The following SNX30 variants were observed in gnomAD, a reference collection of about 807,000 sequenced individuals.
SNX30 encodes the protein sorting nexin family member 30, also known as sorting nexin-30.
SNX30 carries 24 observed loss-of-function variants against 46.4 expected under a neutral mutation model. The ratio of observed to expected loss-of-function variants is 0.52; its 90% CI spans 0.37 to 0.73. The LOEUF is 0.73. Ranked by LOEUF, SNX30 falls within the 30% of genes least tolerant of loss-of-function variation. The pLI is 0.00. For missense variants in SNX30, 533 were observed against 555.7 expected, an observed-to-expected ratio of 0.96 and a Z score of 0.41; for synonymous variants, 189 against 211.5, an observed-to-expected ratio of 0.89 and a Z score of 0.92.
intron 7 of SNX30, among the ~76,000 whole-genome samples, chr9:112,852,146 G>C (rs1180419428): frequency 6.6e-6 from 1 of 152,104 alleles, no homozygotes; most frequent in Non-Finnish European, 1.5e-5. Flanking sequence ...GGGAGGTTGA[G>C]GTGGGAGGAT....
rs184304487 is a variant in SNX30 at position 112,842,344 on chromosome 9, T to G, written c.1014+3647T>G. On this transcript the variant is annotated intron_variant, in intron 6 of 8. Coordinates refer to ENST00000374232, the MANE Select transcript of SNX30 (RefSeq NM_001012994.2). ...CTGGTGTGGTGAGGTTCTGTCAGTC[T>G]ATCTTCATCATGGCCTTGAGGGAAC... is the stretch of plus-strand genomic sequence containing the variant. 4.6e-5 allele frequency among the ~76,000 whole-genome samples: 7 copies of G among 152,340 alleles called. No homozygotes were observed. In the East Asian group the frequency reaches 1.4e-3, roughly 29 times the overall value.
At chr9:112,860,878 A>C (rs977640384) in intron 7 of SNX30, among the ~76,000 whole-genome samples, 1 of 152,236 alleles carries the variant, frequency 6.6e-6, no homozygotes, top group African/African-American at 2.4e-5. Context: ...ATATGAGCTA[A>C]CAAATGTTTA....
At chr9:112,762,700 G>A (rs998684762) in intron 1 of SNX30, among the ~76,000 whole-genome samples, 3 of 152,232 alleles carry the variant, frequency 2.0e-5, no homozygotes, top group African/African-American at 7.2e-5. Context: ...CAGACCCTGA[G>A]AAAGCATTTA....
intron 1 of SNX30, among the ~76,000 whole-genome samples, chr9:112,762,540 G>A: frequency 6.6e-6 from 1 of 152,022 alleles, no homozygotes; most frequent in East Asian, 1.9e-4. Context: ...CTGTGGCCTT[G>A]GGCAAGTTTC....
Position 112,871,519 on chromosome 9 carries a change from A to G in SNX30, c.*2676A>G, listed in dbSNP as rs1841444889. 6.6e-6 allele frequency: 1 copy of G among 152,068 alleles called. No individual in the cohort carries two copies. The highest frequency in any genetic ancestry group is 2.4e-5 in the African/African-American group (1 of 41,392). 9.4% of individuals were successfully genotyped at this position (152,068 alleles called of 1,614,324 possible). A position where few individuals can be genotyped will look rare whatever the true frequency, so the allele number is the denominator to read the frequency against. On this transcript the variant is annotated 3_prime_UTR_variant, in exon 9 of 9. Coordinates refer to ENST00000374232, the MANE Select transcript of SNX30 (RefSeq NM_001012994.2). ...TCATCACCTCACACTTCTTGACTTC[A>G]CAAAATTGTGGCCCTGAGATCAGTA...
intron 1 of SNX30, among the ~76,000 whole-genome samples, chr9:112,797,246 G>A (rs902904835): frequency 6.6e-6 from 1 of 152,102 alleles, no homozygotes; most frequent in Non-Finnish European, 1.5e-5. Flanking sequence ...CAAAGAGCGA[G>A]GTCTGCAATT....
chr9:112,765,542 C>T (rs1839522134), intron 1 of SNX30, among the ~76,000 whole-genome samples: 1 of 152,188 alleles, frequency 6.6e-6, no homozygotes, highest in African/African-American at 2.4e-5. Flanking sequence ...TGGAATCATA[C>T]AATATGTGTG....
At chr9:112,806,663 A>G (rs1357390613) in intron 2 of SNX30, among the ~76,000 whole-genome samples, 1 of 152,184 alleles carries the variant, frequency 6.6e-6, no homozygotes, top group East Asian at 1.9e-4. Flanking sequence ...TTATATTTGT[A>G]AAAAAATAAA....
At chr9:112,791,604 G>C (rs916805282) in intron 1 of SNX30, among the ~76,000 whole-genome samples, 51 of 151,738 alleles carry the variant, frequency 3.4e-4, no homozygotes, top group Middle Eastern at 3.4e-3. Flanking sequence ...TAGAGATGGG[G>C]TTTCACCATG....
intron 8 of SNX30, among the ~76,000 whole-genome samples, chr9:112,867,793 C>T (rs1266889800): frequency 7.4e-6 from 1 of 135,750 alleles, no homozygotes; most frequent in Non-Finnish European, 1.6e-5. Flanking sequence ...TCTCAGAACC[C>T]CTCTCCACTT....
intron 1 of SNX30, among the ~76,000 whole-genome samples, chr9:112,797,831 C>T (rs1840134944): frequency 1.3e-5 from 2 of 150,104 alleles, no homozygotes; most frequent in South Asian, 4.2e-4. Context: ...CTGCCTCAGC[C>T]CCCCGAGTAG....
At chr9:112,758,221 C>T (rs767542864) in intron 1 of SNX30, among the ~76,000 whole-genome samples, 7 of 152,186 alleles carry the variant, frequency 4.6e-5, no homozygotes, top group African/African-American at 7.2e-5. Context: ...TGCCACCCCC[C>T]ATCCTCTTGG....
At chr9:112,825,124 C>G (rs1028769599) in intron 3 of SNX30, among the ~76,000 whole-genome samples, 1 of 152,194 alleles carries the variant, frequency 6.6e-6, no homozygotes. Context: ...ATTGCTGGAG[C>G]ATATAGTAAT....
At chr9:112,821,747 A>G (rs2131428954) in intron 3 of SNX30, among the ~76,000 whole-genome samples, 1 of 151,484 alleles carries the variant, frequency 6.6e-6, no homozygotes, top group East Asian at 2.0e-4. Flanking sequence ...TGGCTTCCCA[A>G]AGTGCTGGGA....
In SNX30 at chr9:112,848,820, G is replaced by A. The variant is rs762748842; in HGVS notation, c.1015-2039G>A. Among the ~76,000 whole-genome samples, 28 of 152,314 alleles carry A rather than the reference G, an allele frequency of 1.8e-4. No individual in the cohort carries two copies. In the Middle Eastern group the frequency reaches 0.02, roughly 111 times the overall value. Reference sequence around the variant, plus strand: ...GGCCCCCTCGTCTGTTTTGGGCATGGGGAGAGGAGATGCTTTTGCACTGTT... The same window carrying A: ...GGCCCCCTCGTCTGTTTTGGGCATGAGGAGAGGAGATGCTTTTGCACTGTT... On this transcript the variant is annotated intron_variant, in intron 6 of 8. Coordinates refer to ENST00000374232, the MANE Select transcript of SNX30 (RefSeq NM_001012994.2).
intron 2 of SNX30, among the ~76,000 whole-genome samples, chr9:112,809,165 C>T (rs981710091): frequency 2.0e-5 from 3 of 151,368 alleles, no homozygotes; most frequent in East Asian, 1.9e-4. Flanking sequence ...CAGCTCACTG[C>T]GGCCTCCGCC....
chr9:112,751,190 T>G, intron 1 of SNX30, 33 bp downstream of exon 1: 1 of 1,412,720 alleles, frequency 7.1e-7, no homozygotes, highest in Non-Finnish European at 9.3e-7. Context: ...GTGGGAGGCT[T>G]ATTTCGCTCC....
At chr9:112,767,080 A>G (rs531382398) in intron 1 of SNX30, among the ~76,000 whole-genome samples, 21 of 151,010 alleles carry the variant, frequency 1.4e-4, no homozygotes, top group Middle Eastern at 3.5e-3. Context: ...CAGTGTATAC[A>G]AGGCTTCTGT....
At position 112,825,119 on chromosome 9, in the gene SNX30, T is replaced by A. The variant is rs553537596; in HGVS notation, c.460-5606T>A. 3.9e-5 allele frequency among the ~76,000 whole-genome samples: 6 copies of A among 152,360 alleles called. No homozygotes were observed. In the South Asian group the frequency reaches 6.2e-4, roughly 16 times the overall value. On this transcript the variant is annotated intron_variant, in intron 3 of 8. Transcript: ENST00000374232. Reference sequence around the variant, plus strand: ...GCTATACAACAAGAAGTGGAATTGCTGGAGCATATAGTAATTCTGTGTTTA... The same window carrying A: ...GCTATACAACAAGAAGTGGAATTGCAGGAGCATATAGTAATTCTGTGTTTA...
Sources: allele counts gnomAD v4.1 joint callset (sites outside exome capture counted in the v4.1 genomes callset), GRCh38; gene constraint gnomAD v4.1.1; transcripts MANE v1.5; gene names NCBI Gene and HGNC (gene_info 2026-07-23, HGNC 2026-07-21).